The following SMLR1 variants were observed in gnomAD, a reference collection of about 807,000 sequenced individuals.
The protein encoded by SMLR1 is small leucine rich protein 1.
SMLR1 carries 3 observed loss-of-function variants against 6.1 expected under a neutral mutation model. The observed-to-expected ratio is 0.49, with a 90% CI of 0.22 to 1.28. The LOEUF is 1.28. Among genes scored for constraint, SMLR1 ranks in the 50% most tolerant of loss-of-function variants. The pLI, the probability that SMLR1 is intolerant of heterozygous loss-of-function variation, is 0.19. For synonymous variants in SMLR1, 55 were observed against 53.6 expected (o/e 1.03, Z -0.11); for missense variants, 126 against 124.8 (o/e 1.01, Z -0.05).
At chr6:130,828,706 C>A (rs1473400661) in intron 1 of SMLR1, among the ~76,000 whole-genome samples, 2 of 152,136 alleles carry the variant, frequency 1.3e-5, no homozygotes, top group African/African-American at 4.8e-5. Context: ...CTCAAATATG[C>A]CCCTAGCCTT....
At chr6:130,828,902 G>C (rs769277719) in intron 1 of SMLR1, among the ~76,000 whole-genome samples, 1 of 152,014 alleles carries the variant, frequency 6.6e-6, no homozygotes, top group Non-Finnish European at 1.5e-5. Flanking sequence ...ACTGAACCCC[G>C]GAAGTAGCCT....
rs1774694617 is a variant in SMLR1, at chr6:130,837,055, AGT to A, written c.*2101_*2102del. On this transcript the variant is annotated 3_prime_UTR_variant, in exon 2 of 2. Transcript: ENST00000541421. ...TTCCGAATCTTATTCCAAATGCTATAGTATCTGAAACGGTTCACCAATAGGGA... is the reference window on the plus strand; with the variant it reads ...TTCCGAATCTTATTCCAAATGCTATAATCTGAAACGGTTCACCAATAGGGA... 1 of 152,222 alleles carries A rather than the reference AGT, an allele frequency of 6.6e-6. No homozygotes were observed. The highest frequency in any genetic ancestry group is 2.4e-5 in the African/African-American group (1 of 41,458). 9.4% of individuals were successfully genotyped at this position (152,222 alleles called of 1,614,324 possible).
chr6:130,834,416 G>C (rs2128384915), intron 1 of SMLR1, among the ~76,000 whole-genome samples: 1 of 152,220 alleles, frequency 6.6e-6, no homozygotes, highest in South Asian at 2.1e-4. Flanking sequence ...AAGGGGTTAA[G>C]GAATGAGCAG....
At chr6:130,834,580 A>C (rs1164269988) in intron 1 of SMLR1, among the ~76,000 whole-genome samples, 5 of 152,182 alleles carry the variant, frequency 3.3e-5, no homozygotes, top group Non-Finnish European at 7.4e-5. Flanking sequence ...GGGAGTTTCA[A>C]CTTAATCAAC....
Position 130,837,087 on chromosome 6 carries a change from G to A in SMLR1, c.*2132G>A, listed in dbSNP as rs1292242045. The stretch of plus-strand genomic sequence containing the variant: ...GAAACGGTTCACCAATAGGGATAAT[G>A]TTTCTCCAACTGGAGACCTTCAATA... On this transcript the variant is annotated 3_prime_UTR_variant, in exon 2 of 2. Coordinates refer to ENST00000541421, the MANE Select transcript of SMLR1 (RefSeq NM_001195597.2). The A allele has an allele frequency of 6.6e-6, 1 of 152,124 alleles. No homozygotes were observed. The highest frequency in any genetic ancestry group is 2.4e-5 in the African/African-American group (1 of 41,434). 9.4% of individuals were successfully genotyped at this position (152,124 alleles called of 1,614,324 possible).
chr6:130,829,264 A>C (rs1474650704), intron 1 of SMLR1, among the ~76,000 whole-genome samples: 1 of 152,220 alleles, frequency 6.6e-6, no homozygotes, highest in African/African-American at 2.4e-5. Flanking sequence ...TCAGTGGGAC[A>C]TCTGGTATTT....
At chr6:130,828,173 T>G (rs929260711) in intron 1 of SMLR1, among the ~76,000 whole-genome samples, 1 of 152,186 alleles carries the variant, frequency 6.6e-6, no homozygotes, top group African/African-American at 2.4e-5. Flanking sequence ...AGATAAATAC[T>G]TGACCTTGGT....
chr6:130,834,988 G>C lies in SMLR1; in HGVS notation c.*33G>C. 2 of 1,503,004 alleles carry C rather than the reference G, an allele frequency of 1.3e-6. No individual in the cohort carries two copies. The highest frequency in any genetic ancestry group is 9.0e-7 in the Non-Finnish European group (1 of 1,117,268). The allele number at this position is 1,503,004 out of a possible 1,614,324, so 93.1% of individuals were successfully genotyped here. A position where few individuals can be genotyped will look rare whatever the true frequency, so the allele number is the denominator to read the frequency against. ...GACTTTCCAATAACTAAAGCACAAT[G>C]AGTTTCTACTGGTCAGCAAGCAATG... On this transcript the variant is annotated 3_prime_UTR_variant, in exon 2 of 2. Coordinates refer to ENST00000541421, the MANE Select transcript of SMLR1 (RefSeq NM_001195597.2).
Position 130,827,460 on chromosome 6 carries a change from A to G in SMLR1, c.47A>G (p.Gln16Arg). Reference protein sequence around the residue: ...RSPRRKQVQTQRKAALVLSVT... With the variant: ...RSPRRKQVQTRRKAALVLSVT... ...CCCAGAAGAAAACAAGTACAGACTC[A>G]GAGGAAAGCTGCCCTGGTCCTGAGT... Residue 16 changes from glutamine to arginine, a missense_variant, in exon 1 of 2, where the codon CAG (glutamine) becomes CGG (arginine). Transcript: ENST00000541421. 1 of 1,536,036 alleles carries G rather than the reference A, an allele frequency of 6.5e-7. No homozygotes were observed. Among genetic ancestry groups the G allele is most frequent in the Non-Finnish European group, 8.7e-7 (1 of 1,146,866 alleles).
In SMLR1 at chr6:130,835,762, C is replaced by T. The variant is rs558083970; in HGVS notation, c.*807C>T. The stretch of plus-strand genomic sequence containing the variant: ...TCAACATTTCACTACAGTTCTTTTT[C>T]AGTGGGAGCCCCAAAGAGACAACAT... On this transcript the variant is annotated 3_prime_UTR_variant, in exon 2 of 2. Coordinates refer to ENST00000541421, the MANE Select transcript of SMLR1 (RefSeq NM_001195597.2). The T allele has an allele frequency of 6.6e-5, 10 of 152,286 alleles. No homozygotes were observed. Among genetic ancestry groups the T allele is most frequent in the African/African-American group, 2.4e-4 (10 of 41,576 alleles). The allele number at this position is 152,286 out of a possible 1,614,324, so 9.4% of individuals were successfully genotyped here.
chr6:130,835,203 C>G lies in SMLR1; in HGVS notation c.*248C>G. ...GGATTTCCTGGGTATATACACTGGA[C>G]ACATTGTAACTTTTTAACTTTTATT... On this transcript the variant is annotated 3_prime_UTR_variant, in exon 2 of 2. Transcript: ENST00000541421. 1 of 403,444 alleles carries G rather than the reference C, an allele frequency of 2.5e-6. No homozygotes were observed. Among genetic ancestry groups the G allele is most frequent in the Admixed American group, 3.7e-5 (1 of 27,276 alleles). 25.0% of individuals were successfully genotyped at this position (403,444 alleles called of 1,614,324 possible). A position where few individuals can be genotyped will look rare whatever the true frequency, so the allele number is the denominator to read the frequency against.
At chr6:130,832,631 C>T (rs1360803900) in intron 1 of SMLR1, among the ~76,000 whole-genome samples, 1 of 152,178 alleles carries the variant, frequency 6.6e-6, no homozygotes, top group African/African-American at 2.4e-5. Context: ...TAAGAAGGCA[C>T]TGTTTGTGTC....
At chr6:130,832,104 A>G (rs150663068) in intron 1 of SMLR1, among the ~76,000 whole-genome samples, 1 of 152,212 alleles carries the variant, frequency 6.6e-6, no homozygotes, top group African/African-American at 2.4e-5. Flanking sequence ...ATTGTCATGG[A>G]CATTTTGCAT....
At chr6:130,828,404 A>G (rs1308542373) in intron 1 of SMLR1, among the ~76,000 whole-genome samples, 1 of 152,240 alleles carries the variant, frequency 6.6e-6, no homozygotes, top group Non-Finnish European at 1.5e-5. Context: ...GTTAATAACT[A>G]TTTTAGCAAA....
intron 1 of SMLR1, among the ~76,000 whole-genome samples, chr6:130,830,737 A>T (rs1774416389): frequency 6.6e-6 from 1 of 152,126 alleles, no homozygotes; most frequent in African/African-American, 2.4e-5. Flanking sequence ...GAAAGAAGCC[A>T]CCCAAAACCC....
chr6:130,832,986 T>C (rs1490267932), intron 1 of SMLR1, among the ~76,000 whole-genome samples: 1 of 152,200 alleles, frequency 6.6e-6, no homozygotes, highest in African/African-American at 2.4e-5. Context: ...AAGATCTGCC[T>C]GAGTCAAATC....
At chr6:130,831,956 C>G (rs927378445) in intron 1 of SMLR1, among the ~76,000 whole-genome samples, 3 of 152,156 alleles carry the variant, frequency 2.0e-5, no homozygotes, top group Non-Finnish European at 4.4e-5. Context: ...ATGTAGGGAA[C>G]ATCAATTTTC....
intron 1 of SMLR1, among the ~76,000 whole-genome samples, chr6:130,833,814 G>A (rs2236080): frequency 0.033 from 4,957 of 152,212 alleles, 94 homozygotes; most frequent in Middle Eastern, 0.051. Flanking sequence ...CAACACATAT[G>A]CACCCTCCCT....
chr6:130,833,470 G>A (rs769106779), intron 1 of SMLR1, among the ~76,000 whole-genome samples: 20 of 152,104 alleles, frequency 1.3e-4, no homozygotes, highest in Non-Finnish European at 2.6e-4. Context: ...TAAGCCATGG[G>A]CCATCTCCAA....
Sources: gnomAD v4.1 joint callset for allele counts (sites outside exome capture counted in the v4.1 genomes callset) on GRCh38, gnomAD v4.1.1 for gene constraint, MANE v1.5 for transcripts, NCBI Gene and HGNC (gene_info 2026-07-23, HGNC 2026-07-21) for gene names.